EYS: variants seen among roughly 807,000 people sequenced by gnomAD.
The protein encoded by EYS is protein eyes shut homolog.
In EYS, 250 loss-of-function variants were observed where a neutral mutation model predicts 282.1. The observed-to-expected ratio is 0.89, with a 90% confidence interval of 0.80 to 0.98. EYS has a LOEUF of 0.98. EYS is among the 50% of genes least tolerant of loss of function. The pLI is 0.00. For synonymous variants in EYS, 1,355 were observed against 1,282.9 expected (o/e 1.06, Z -1.20); for missense variants, 4,016 against 3,709.0 (o/e 1.08, Z -2.15).
At chr6:63,994,275 G>A (rs554140815) in intron 34 of EYS, among the ~76,000 whole-genome samples, 12 of 151,854 alleles carry the variant, frequency 7.9e-5, no homozygotes, top group Non-Finnish European at 1.6e-4. Context: ...TTAAAATTCT[G>A]ATACATCAGT....
rs76311458 is a variant in EYS at position 64,511,826 on chromosome 6, G to T, written c.5645-72474C>A. 7.9e-5 allele frequency among the ~76,000 whole-genome samples: 12 copies of T among 151,510 alleles called. No homozygotes were observed. The East Asian group carries it at 9.8e-4, about 12-fold the overall frequency. ...CATTAGATACTAAATTTTGGGGGGG[G>T]GTGTTAAAATGTGTCACTTCTCCTG... On this transcript the variant is annotated intron_variant, in intron 26 of 42. Transcript: ENST00000503581.
intron 1 of EYS, among the ~76,000 whole-genome samples, chr6:65,681,006 G>C (rs763683139): frequency 2.0e-5 from 3 of 151,310 alleles, no homozygotes; most frequent in Non-Finnish European, 3.0e-5. Context: ...CATCCCTAGA[G>C]CCTTGGTCTA....
rs1266674052 is a variant in EYS at position 65,406,148 on chromosome 6, A to C, written c.863-781T>G. On this transcript the variant is annotated intron_variant, in intron 5 of 42. Coordinates refer to ENST00000503581, the MANE Select transcript of EYS (RefSeq NM_001142800.2). ...TACAATGGTATCTCACTGAGGCTTA[A>C]ATTTTCATTCACTAATGACTAATTA... is the stretch of plus-strand genomic sequence containing the variant. Among the ~76,000 whole-genome samples, 4 of 152,084 alleles carry C rather than the reference A, an allele frequency of 2.6e-5. No homozygotes were observed. In the East Asian group the frequency reaches 7.7e-4, roughly 29 times the overall value.
At chr6:64,399,518 C>G (rs1244835469) in intron 28 of EYS, among the ~76,000 whole-genome samples, 1 of 151,454 alleles carries the variant, frequency 6.6e-6, no homozygotes, top group African/African-American at 2.4e-5. Flanking sequence ...GTCATCTCAC[C>G]CTTGTTTAGT....
rs140601686 is a variant in EYS at position 65,404,805 on chromosome 6, A to T, written c.1056+369T>A. ...CTTTAAAGAATTAATGACAAATATGAATCTAAAATGAAAAGACAGTAATTT... is the reference window on the plus strand; with the variant it reads ...CTTTAAAGAATTAATGACAAATATGTATCTAAAATGAAAAGACAGTAATTT... On this transcript the variant is annotated intron_variant, in intron 6 of 42. Transcript: ENST00000503581. 4.0e-3 allele frequency among the ~76,000 whole-genome samples: 612 copies of T among 152,074 alleles called. 5 individuals carry two copies. The highest frequency in any genetic ancestry group is 0.014 in the African/African-American group (579 of 41,538).
intron 32 of EYS, among the ~76,000 whole-genome samples, chr6:64,070,866 T>C (rs541320609): frequency 1.3e-5 from 2 of 152,106 alleles, no homozygotes; most frequent in African/African-American, 4.8e-5. Flanking sequence ...AATATTAAGG[T>C]GTTAATAATT....
chr6:64,326,990 A>C (rs1318828372), intron 29 of EYS, among the ~76,000 whole-genome samples: 1 of 152,114 alleles, frequency 6.6e-6, no homozygotes, highest in Non-Finnish European at 1.5e-5. Context: ...TTCACACCCT[A>C]ACTGACACCA....
At chr6:64,795,006 A>G (rs1396247368) in intron 22 of EYS, among the ~76,000 whole-genome samples, 2 of 152,096 alleles carry the variant, frequency 1.3e-5, no homozygotes, top group Non-Finnish European at 2.9e-5. Flanking sequence ...AGGCCGAGGC[A>G]GGTGGATTAC....
intron 11 of EYS, among the ~76,000 whole-genome samples, chr6:65,297,040 C>T (rs1195172183): frequency 2.0e-5 from 3 of 151,596 alleles, no homozygotes; most frequent in Non-Finnish European, 4.4e-5. Flanking sequence ...GATCATTATA[C>T]ATTGAACAAC....
intron 22 of EYS, among the ~76,000 whole-genome samples, chr6:64,712,918 A>G (rs1202130615): frequency 6.6e-6 from 1 of 152,206 alleles, no homozygotes; most frequent in African/African-American, 2.4e-5. Flanking sequence ...TCCAAAGATC[A>G]AATTCATAAA....
chr6:64,706,150 A>T (rs1329718979), intron 22 of EYS, among the ~76,000 whole-genome samples: 1 of 152,118 alleles, frequency 6.6e-6, no homozygotes, highest in Non-Finnish European at 1.5e-5. Flanking sequence ...AGAATAGAGA[A>T]CCCAGAAATA....
chr6:64,990,483 C>A (rs533379905), intron 14 of EYS, among the ~76,000 whole-genome samples: 2 of 151,644 alleles, frequency 1.3e-5, no homozygotes, highest in Non-Finnish European at 3.0e-5. Flanking sequence ...GTTTTGAAAT[C>A]AGCTTAATTT....
intron 36 of EYS, among the ~76,000 whole-genome samples, chr6:63,828,888 A>C (rs567142292): frequency 4.0e-5 from 6 of 148,328 alleles, no homozygotes; most frequent in African/African-American, 5.3e-5. Flanking sequence ...AATGTAAACT[A>C]ATACAGAATG....
intron 12 of EYS, among the ~76,000 whole-genome samples, chr6:65,225,992 T>C (rs1377099394): frequency 6.6e-6 from 1 of 151,968 alleles, no homozygotes; most frequent in Non-Finnish European, 1.5e-5. Flanking sequence ...CAGAGAAATC[T>C]GTTTTTACCA....
At chr6:65,359,099 G>GA (rs1764601513) in intron 8 of EYS, among the ~76,000 whole-genome samples, 1 of 152,024 alleles carries the variant, frequency 6.6e-6, no homozygotes, top group Non-Finnish European at 1.5e-5. Flanking sequence ...ATAAGCTTGT[G>GA]AGAGGAGTAA....
intron 26 of EYS, among the ~76,000 whole-genome samples, chr6:64,478,472 T>C (rs1259203281): frequency 6.6e-6 from 1 of 151,520 alleles, no homozygotes; most frequent in African/African-American, 2.4e-5. Context: ...CAAAAGGAAA[T>C]ACATTATTGC....
At chr6:64,555,229 T>G (rs1365867449) in intron 26 of EYS, among the ~76,000 whole-genome samples, 1 of 151,770 alleles carries the variant, frequency 6.6e-6, no homozygotes, top group Non-Finnish European at 1.5e-5. Context: ...ACAACATGGA[T>G]GAACCTGGAG....
At chr6:65,655,301 T>C (rs1377225048) in intron 1 of EYS, among the ~76,000 whole-genome samples, 1 of 151,698 alleles carries the variant, frequency 6.6e-6, no homozygotes, top group African/African-American at 2.4e-5. Context: ...AGTGACTTCC[T>C]TCTAAAGAAT....
At chr6:65,223,103 G>A (rs772956879) in intron 12 of EYS, among the ~76,000 whole-genome samples, 1 of 152,040 alleles carries the variant, frequency 6.6e-6, no homozygotes, top group Non-Finnish European at 1.5e-5. Flanking sequence ...CTGTTTTAAA[G>A]CTCTGGACCT....
Sources: allele counts gnomAD v4.1 joint callset (sites outside exome capture counted in the v4.1 genomes callset), GRCh38; gene constraint gnomAD v4.1.1; transcripts MANE v1.5; gene names NCBI Gene and HGNC (gene_info 2026-07-23, HGNC 2026-07-21).